CNTNAP2: variants seen among roughly 807,000 people sequenced by gnomAD.
The protein encoded by CNTNAP2 is contactin-associated protein-like 2.
In CNTNAP2, 98 loss-of-function variants were observed where a neutral mutation model predicts 155.2. That is an observed-to-expected ratio of 0.63 (90% CI 0.54 to 0.75). CNTNAP2 has a LOEUF of 0.75. Ranked by LOEUF, CNTNAP2 falls within the 30% of genes least tolerant of loss-of-function variation. The pLI, the probability that CNTNAP2 is intolerant of heterozygous loss-of-function variation, is 0.00. For synonymous variants in CNTNAP2, 651 were observed against 631.2 expected (o/e 1.03, Z -0.47); for missense variants, 1,727 against 1,688.1 (o/e 1.02, Z -0.40).
At chr7:146,461,287 C>T (rs937649436) in intron 1 of CNTNAP2, among the ~76,000 whole-genome samples, 1 of 151,742 alleles carries the variant, frequency 6.6e-6, no homozygotes, top group African/African-American at 2.4e-5. Flanking sequence ...CACCTGTAGT[C>T]CCAGTTACTC....
chr7:147,409,782 C>T (rs1316537043), intron 10 of CNTNAP2, among the ~76,000 whole-genome samples: 1 of 150,568 alleles, frequency 6.6e-6, no homozygotes, highest in Non-Finnish European at 1.5e-5. Context: ...TTGAGATGAA[C>T]CATCATGAAA....
chr7:146,181,092 G>A (rs1037031732), intron 1 of CNTNAP2, among the ~76,000 whole-genome samples: 7 of 152,092 alleles, frequency 4.6e-5, no homozygotes, highest in African/African-American at 1.2e-4. Context: ...TGACTTCAAC[G>A]TTGCATTTGA....
intron 8 of CNTNAP2, among the ~76,000 whole-genome samples, chr7:147,198,546 T>C (rs760952512): frequency 1.3e-5 from 2 of 152,132 alleles, no homozygotes; most frequent in Non-Finnish European, 2.9e-5. Context: ...TCCAATATTC[T>C]TTGTTGAAAT....
intron 8 of CNTNAP2, among the ~76,000 whole-genome samples, chr7:147,275,364 T>A (rs2116713875): frequency 6.6e-6 from 1 of 152,040 alleles, no homozygotes; most frequent in South Asian, 2.1e-4. Flanking sequence ...CTTGTAAAGA[T>A]CTTTCACCTC....
chr7:148,158,414 G>A (rs904737194), intron 17 of CNTNAP2, among the ~76,000 whole-genome samples: 1 of 151,892 alleles, frequency 6.6e-6, no homozygotes, highest in African/African-American at 2.4e-5. Context: ...GTAGAGATAG[G>A]ATTTCACCAT....
chr7:146,678,076 G>A lies in CNTNAP2; in HGVS notation c.98-96195G>A, dbSNP rs115467180. ...AAATGGCATGTTTGTTATTTATTTA[G>A]TTTGAGCTGGAGACTTGCTCTGTCA... is the stretch of plus-strand genomic sequence containing the variant. On this transcript the variant is annotated intron_variant, in intron 1 of 23. Coordinates refer to ENST00000361727, the MANE Select transcript of CNTNAP2 (RefSeq NM_014141.6). Among the ~76,000 whole-genome samples, 99 of 152,038 alleles carry A rather than the reference G, an allele frequency of 6.5e-4. No homozygotes were observed. The Middle Eastern group carries it at 0.01, about 16-fold the overall frequency.
intron 13 of CNTNAP2, among the ~76,000 whole-genome samples, chr7:147,729,880 G>A (rs1008172934): frequency 6.6e-6 from 1 of 152,046 alleles, no homozygotes. Flanking sequence ...AGACCAGTGA[G>A]GATATAGAGA....
chr7:146,445,656 G>C (rs189623956), intron 1 of CNTNAP2, among the ~76,000 whole-genome samples: 1 of 152,188 alleles, frequency 6.6e-6, no homozygotes, highest in East Asian at 1.9e-4. Flanking sequence ...GCATTATCAA[G>C]ACATTTTCCC....
chr7:148,402,371 C>T (rs912390924), intron 22 of CNTNAP2, among the ~76,000 whole-genome samples: 1 of 152,136 alleles, frequency 6.6e-6, no homozygotes, highest in Non-Finnish European at 1.5e-5. Flanking sequence ...ATGTGAAACT[C>T]AGGATCATGT....
At chr7:146,510,394 A>T (rs1797448228) in intron 1 of CNTNAP2, among the ~76,000 whole-genome samples, 1 of 152,192 alleles carries the variant, frequency 6.6e-6, no homozygotes, top group Non-Finnish European at 1.5e-5. Flanking sequence ...AGGGCTTTGT[A>T]GTATACTTTG....
chr7:148,323,671 C>G (rs1004701163), intron 21 of CNTNAP2, among the ~76,000 whole-genome samples: 3 of 152,072 alleles, frequency 2.0e-5, no homozygotes, highest in Non-Finnish European at 4.4e-5. Flanking sequence ...TTACTAAAAT[C>G]TAATAGTCAC....
At chr7:148,395,940 C>G (rs1237823267) in intron 22 of CNTNAP2, among the ~76,000 whole-genome samples, 2 of 152,136 alleles carry the variant, frequency 1.3e-5, no homozygotes, top group South Asian at 4.1e-4. Flanking sequence ...TCCCTTCATC[C>G]CCTACGATAG....
intron 21 of CNTNAP2, among the ~76,000 whole-genome samples, chr7:148,276,694 A>G (rs987977255): frequency 1.3e-5 from 2 of 152,248 alleles, no homozygotes; most frequent in African/African-American, 2.4e-5. Context: ...GGTTAAAGGA[A>G]GTCAAGGAAG....
chr7:148,206,839 T>C lies in CNTNAP2; in HGVS notation c.3011-10449T>C, dbSNP rs1795458456. 4.6e-5 allele frequency among the ~76,000 whole-genome samples: 7 copies of C among 152,194 alleles called. No homozygotes were observed. The South Asian group carries it at 1.4e-3, about 32-fold the overall frequency. On this transcript the variant is annotated intron_variant, in intron 18 of 23. Coordinates refer to ENST00000361727, the MANE Select transcript of CNTNAP2 (RefSeq NM_014141.6). ...CTGTTTCCAGTACTTGGAGGGTCCT[T>C]GTCCACCTCTTCAGTACTGTAGATT...
chr7:146,906,044 A>T (rs921618469), intron 3 of CNTNAP2, among the ~76,000 whole-genome samples: 6 of 152,198 alleles, frequency 3.9e-5, no homozygotes, highest in African/African-American at 9.7e-5. Context: ...GGGGTGACGG[A>T]CGCACCTGGA....
intron 1 of CNTNAP2, among the ~76,000 whole-genome samples, chr7:146,534,933 T>C (rs1215415613): frequency 6.8e-6 from 1 of 147,712 alleles, no homozygotes; most frequent in Non-Finnish European, 1.5e-5. Context: ...ATTGCTGAGA[T>C]GTAATATAAG....
At chr7:147,775,880 G>T (rs910415149) in intron 13 of CNTNAP2, among the ~76,000 whole-genome samples, 4 of 152,164 alleles carry the variant, frequency 2.6e-5, no homozygotes, top group Non-Finnish European at 5.9e-5. Flanking sequence ...TTTGGGAAGT[G>T]ATGACTTAGG....
At chr7:147,639,546 A>T (rs545741221) in intron 13 of CNTNAP2, among the ~76,000 whole-genome samples, 1 of 152,330 alleles carries the variant, frequency 6.6e-6, no homozygotes, top group South Asian at 2.1e-4. Context: ...TTGTATGTGC[A>T]TATATGTTTC....
chr7:147,631,683 T>G (rs1329641564), intron 12 of CNTNAP2, among the ~76,000 whole-genome samples: 1 of 152,150 alleles, frequency 6.6e-6, no homozygotes, highest in African/African-American at 2.4e-5. Context: ...GCCAAATATT[T>G]AAAGCCAACT....
Sources: allele counts gnomAD v4.1 joint callset (sites outside exome capture counted in the v4.1 genomes callset), GRCh38; gene constraint gnomAD v4.1.1; transcripts MANE v1.5; gene names NCBI Gene and HGNC (gene_info 2026-07-23, HGNC 2026-07-21).